RASSF3: variants seen among roughly 807,000 people sequenced by gnomAD.
The protein encoded by RASSF3 is Ras association domain family member 3.
A neutral mutation model predicts 19.9 loss-of-function variants in RASSF3; 19 were observed. The ratio of observed to expected loss-of-function variants is 0.96; its 90% CI spans 0.67 to 1.40. RASSF3 has a LOEUF of 1.40. RASSF3 is among the 40% of genes most tolerant of loss of function. RASSF3 has a pLI of 0.00. For synonymous variants in RASSF3, 110 were observed against 104.2 expected, an observed-to-expected ratio of 1.06 and a Z score of -0.34; for missense variants, 306 against 289.8, an observed-to-expected ratio of 1.06 and a Z score of -0.41.
At chr12:64,598,709 T>C (rs1326880449) in intron 2 of RASSF3, among the ~76,000 whole-genome samples, 1 of 152,146 alleles carries the variant, frequency 6.6e-6, no homozygotes, top group Non-Finnish European at 1.5e-5. Flanking sequence ...TCTATTTTCC[T>C]AAAGCTGTTG....
chr12:64,636,022 T>C (rs1289581550), intron 1 of RASSF3, among the ~76,000 whole-genome samples: 1 of 152,226 alleles, frequency 6.6e-6, no homozygotes, highest in East Asian at 1.9e-4. Flanking sequence ...TTTAAAAATA[T>C]GCATGTACAA....
intron 2 of RASSF3, among the ~76,000 whole-genome samples, chr12:64,562,734 C>T (rs1869369193): frequency 6.6e-6 from 1 of 152,230 alleles, no homozygotes; most frequent in South Asian, 2.1e-4. Context: ...CATCCCCCCA[C>T]ATCAGCCTCC....
At chr12:64,566,467 A>G (rs1021731534) in intron 2 of RASSF3, among the ~76,000 whole-genome samples, 1 of 152,142 alleles carries the variant, frequency 6.6e-6, no homozygotes, top group African/African-American at 2.4e-5. Context: ...CCTGGTGGGA[A>G]CTCGGCAAGT....
intron 2 of RASSF3, among the ~76,000 whole-genome samples, chr12:64,570,943 C>A (rs533488170): frequency 6.6e-6 from 1 of 152,260 alleles, no homozygotes; most frequent in South Asian, 2.1e-4. Context: ...AAAGGCCAGA[C>A]GCAGTGGCTC....
chr12:64,541,617 T>C lies in RASSF3; in HGVS notation c.104T>C (p.Leu35Pro), dbSNP rs1278216329. The change falls in exon 2 of 2, where the codon CTG becomes CCG. Residue 35 changes from leucine to proline, a missense_variant. Leu to Pro is a moderately conservative substitution (Grantham distance 98). Transcript: ENST00000636333. ...ATATGTCATGCTCACTGCCGAGACCTGGTACATCTGGATTATCCACAAAAT... is the reference window on the plus strand; with the variant it reads ...ATATGTCATGCTCACTGCCGAGACCCGGTACATCTGGATTATCCACAAAAT... 7 of 398,446 alleles carry C rather than the reference T, an allele frequency of 1.8e-5. No homozygotes were observed. The Admixed American group carries it at 2.2e-4, about 13-fold the overall frequency. 24.7% of individuals were successfully genotyped at this position (398,446 alleles called of 1,614,324 possible).
intron 2 of RASSF3, among the ~76,000 whole-genome samples, chr12:64,578,590 T>C (rs1330398446): frequency 6.6e-6 from 1 of 152,148 alleles, no homozygotes; most frequent in African/African-American, 2.4e-5. Flanking sequence ...GGCCAAGAGT[T>C]TGAGACCAGC....
intron 1 of RASSF3, among the ~76,000 whole-genome samples, chr12:64,661,613 T>TG (rs1424230606): frequency 6.6e-6 from 1 of 152,138 alleles, no homozygotes; most frequent in Non-Finnish European, 1.5e-5. Context: ...GAGGATCATT[T>TG]GAACCCAGGT....
chr12:64,603,388 GAC>G (rs1217262260), intron 2 of RASSF3, among the ~76,000 whole-genome samples: 1 of 152,130 alleles, frequency 6.6e-6, no homozygotes, highest in Admixed American at 6.5e-5. Context: ...AATTCACTTG[GAC>G]ACAGATACCG....
intron 1 of RASSF3, among the ~76,000 whole-genome samples, chr12:64,624,058 T>G (rs1870895633): frequency 6.6e-6 from 1 of 151,970 alleles, no homozygotes. Context: ...GGTTTGATCC[T>G]TGGCTGTCAT....
At chr12:64,549,813 C>T (rs1869127908) in intron 2 of RASSF3, among the ~76,000 whole-genome samples, 1 of 152,162 alleles carries the variant, frequency 6.6e-6, no homozygotes, top group Non-Finnish European at 1.5e-5. Flanking sequence ...CTGTGTGCCA[C>T]GGATTCAAAG....
At chr12:64,524,897 T>C (rs114498309) in intron 1 of RASSF3, among the ~76,000 whole-genome samples, 78 of 152,332 alleles carry the variant, frequency 5.1e-4, no homozygotes, top group African/African-American at 1.8e-3. Flanking sequence ...TCATCCTCTT[T>C]ATTCAGTTGT....
chr12:64,613,550 A>G (rs570852685), intron 1 of RASSF3, among the ~76,000 whole-genome samples: 1 of 152,300 alleles, frequency 6.6e-6, no homozygotes, highest in South Asian at 2.1e-4. Context: ...TTCTATCCCC[A>G]ACAGTAACAA....
At chr12:64,549,648 C>T (rs1036333618) in intron 2 of RASSF3, among the ~76,000 whole-genome samples, 3 of 152,200 alleles carry the variant, frequency 2.0e-5, no homozygotes, top group African/African-American at 7.2e-5. Flanking sequence ...CTCTACCAAG[C>T]TCCCCTCCTG....
intron 1 of RASSF3, among the ~76,000 whole-genome samples, chr12:64,663,393 C>CA (rs932580723): frequency 6.6e-6 from 1 of 151,194 alleles, no homozygotes. Context: ...ATGGGGAAGA[C>CA]AAAAAAAGAA....
At chr12:64,540,867 C>T (rs967252049) in intron 1 of RASSF3, among the ~76,000 whole-genome samples, 2 of 152,000 alleles carry the variant, frequency 1.3e-5, no homozygotes, top group African/African-American at 2.4e-5. Context: ...ACCTTCTGGG[C>T]TCAAGCAATC....
At chr12:64,668,916 G>T (rs754243451) in intron 1 of RASSF3, among the ~76,000 whole-genome samples, 1 of 151,842 alleles carries the variant, frequency 6.6e-6, no homozygotes, top group East Asian at 1.9e-4. Flanking sequence ...TGATCTGCCC[G>T]CCTCGGCCTC....
chr12:64,687,056 G>A (rs1175001332), intron 2 of RASSF3, among the ~76,000 whole-genome samples: 2 of 151,980 alleles, frequency 1.3e-5, no homozygotes, highest in Non-Finnish European at 2.9e-5. Flanking sequence ...GCGTAATCTC[G>A]TAATCTCGGC....
chr12:64,569,018 A>C (rs559045977), intron 2 of RASSF3, among the ~76,000 whole-genome samples: 1 of 152,234 alleles, frequency 6.6e-6, no homozygotes, highest in East Asian at 1.9e-4. Flanking sequence ...CCATGAGTTC[A>C]CTTTTAATTG....
intron 1 of RASSF3, among the ~76,000 whole-genome samples, chr12:64,655,348 T>C (rs2136193946): frequency 6.6e-6 from 1 of 152,346 alleles, no homozygotes; most frequent in East Asian, 1.9e-4. Flanking sequence ...GTTTCTTTGA[T>C]AAGAGAGAGG....
Sources: allele counts gnomAD v4.1 joint callset (sites outside exome capture counted in the v4.1 genomes callset), GRCh38; gene constraint gnomAD v4.1.1; transcripts MANE v1.5; gene names NCBI Gene and HGNC (gene_info 2026-07-23, HGNC 2026-07-21).